RBM28: variants seen among roughly 807,000 people sequenced by gnomAD.
The protein encoded by RBM28 is RNA-binding protein 28.
A neutral mutation model predicts 98.3 loss-of-function variants in RBM28; 78 were observed. That is an observed-to-expected ratio of 0.79 (90% CI 0.66 to 0.96). The LOEUF is 0.96. RBM28 is among the 40% of genes least tolerant of loss of function. The pLI, the probability that RBM28 is intolerant of heterozygous loss-of-function variation, is 0.00. For missense variants in RBM28, 838 were observed against 913.0 expected (o/e 0.92, Z 1.06); for synonymous variants, 306 against 330.9 (o/e 0.92, Z 0.82).
rs960950577 is a variant in RBM28 at position 128,298,531 on chromosome 7, T to C, written c.*12266A>G. On this transcript the variant is annotated 3_prime_UTR_variant, in exon 19 of 19. Coordinates refer to ENST00000223073, the MANE Select transcript of RBM28 (RefSeq NM_018077.3). ...TTTCAGATTCTCTTTACTGAGCATA[T>C]ATTATTTTTACAATCAGAAAAAAAT... 5 of 151,632 alleles carry C rather than the reference T, an allele frequency of 3.3e-5. No individual in the cohort carries two copies. Among genetic ancestry groups the C allele is most frequent in the African/African-American group, 1.2e-4 (5 of 41,298 alleles). 9.4% of individuals were successfully genotyped at this position (151,632 alleles called of 1,614,324 possible).
At chr7:128,330,475 G>A (rs1243966648) in intron 10 of RBM28, among the ~76,000 whole-genome samples, 6 of 141,816 alleles carry the variant, frequency 4.2e-5, no homozygotes, top group Middle Eastern at 4.1e-3. Flanking sequence ...TCCACCTCCC[G>A]GGTTCAAGCA....
chr7:128,298,086 T>C lies in RBM28; in HGVS notation c.*12711A>G, dbSNP rs1795731648. 1 of 150,714 alleles carries C rather than the reference T, an allele frequency of 6.6e-6. No homozygotes were observed. The highest frequency in any genetic ancestry group is 1.5e-5 in the Non-Finnish European group (1 of 67,640). 9.3% of individuals were successfully genotyped at this position (150,714 alleles called of 1,614,324 possible). On this transcript the variant is annotated 3_prime_UTR_variant, in exon 19 of 19. Coordinates refer to ENST00000223073, the MANE Select transcript of RBM28 (RefSeq NM_018077.3). ...GACCAGCATGTCACATGTATACATA[T>C]GTAACTAACCTGCACAGTGTGCACA...
Position 128,298,130 on chromosome 7 carries a change from TAATA to T in RBM28, c.*12663_*12666del, listed in dbSNP as rs1168126990. 2.7e-5 allele frequency: 4 copies of T among 148,688 alleles called. No homozygotes were observed. The highest frequency in any genetic ancestry group is 6.6e-5 in the Admixed American group (1 of 15,142). The allele number at this position is 148,688 out of a possible 1,614,324, so 9.2% of individuals were successfully genotyped here. A position where few individuals can be genotyped will look rare whatever the true frequency, so the allele number is the denominator to read the frequency against. On this transcript the variant is annotated 3_prime_UTR_variant, in exon 19 of 19. Transcript: ENST00000223073. ...GTGCACATGTACCCTAAAACTTAAATAATAAAAAAAAAAGACAATACGCGCACAG... is the reference window on the plus strand; with the variant it reads ...GTGCACATGTACCCTAAAACTTAAATAAAAAAAAAGACAATACGCGCACAG...
rs1427398800 is a variant in RBM28 at position 128,314,982 on chromosome 7, C to T, written c.1827G>A (p.Gln609=). The change falls in exon 17 of 19, where the codon CAG becomes CAA. Residue 609 remains glutamine (Q), a synonymous_variant. Coordinates refer to ENST00000223073, the MANE Select transcript of RBM28 (RefSeq NM_018077.3). ...CTTTTGCAGGCTCTGGTTGCCCCTTCTGAGGCTCACCAGTTGCAGGCTTGG... is the reference window on the plus strand; with the variant it reads ...CTTTTGCAGGCTCTGGTTGCCCCTTTTGAGGCTCACCAGTTGCAGGCTTGG... ...MRSKPATGEP[Q]KGQPEPAKDQ... The T allele has an allele frequency of 1.2e-6, 2 of 1,614,070 alleles. No homozygotes were observed. Among genetic ancestry groups the T allele is most frequent in the East Asian group, 2.2e-5 (1 of 44,902 alleles).
At chr7:128,321,074 G>A (rs560787746) in intron 14 of RBM28, among the ~76,000 whole-genome samples, 192 bp downstream of exon 14, 2 of 152,376 alleles carry the variant, frequency 1.3e-5, no homozygotes, top group African/African-American at 4.8e-5. Context: ...GCTGAGGCAG[G>A]AGAACTGCTT....
chr7:128,315,004 T>C lies in RBM28; in HGVS notation c.1805A>G (p.Lys602Arg), dbSNP rs1796077128. The C allele has an allele frequency of 6.2e-7, 1 of 1,614,250 alleles. No homozygotes were observed. Among genetic ancestry groups the C allele is most frequent in the African/African-American group, 1.3e-5 (1 of 75,062 alleles). The change falls in exon 17 of 19, where the codon AAG becomes AGG. Residue 602 changes from lysine to arginine, a missense_variant. Coordinates refer to ENST00000223073, the MANE Select transcript of RBM28 (RefSeq NM_018077.3). ...IQRSLQKMRS[K>R]PATGEPQKGQ... is the part of the protein sequence containing the mutation. ...CTTCTGAGGCTCACCAGTTGCAGGC[T>C]TGGATCTCATTTTTTGCTGCATAAA...
intron 14 of RBM28, among the ~76,000 whole-genome samples, 182 bp from the exon 15 acceptor site, chr7:128,318,288 C>A (rs1227498187): frequency 6.6e-6 from 1 of 151,974 alleles, no homozygotes; most frequent in African/African-American, 2.4e-5. Flanking sequence ...AGTTTGAGAC[C>A]AGCCTAGGCA....
rs371516135 is a variant in RBM28 at position 128,337,104 on chromosome 7, T to C, written c.613+27A>G. ...TCTCACCCAGGTTATACAACGCCCC[T>C]ACTCACCCAACACTACCACATCTTA... On this transcript the variant is annotated intron_variant, in intron 6 of 18. Transcript: ENST00000223073. 1.6e-4 allele frequency: 255 copies of C among 1,609,594 alleles called. 1 individual carries two copies. The African/African-American group carries it at 2.8e-3, about 18-fold the overall frequency.
chr7:128,304,028 C>A lies in RBM28; in HGVS notation c.*6769G>T, dbSNP rs1795817439. 1 of 152,162 alleles carries A rather than the reference C, an allele frequency of 6.6e-6. No homozygotes were observed. Among genetic ancestry groups the A allele is most frequent in the Non-Finnish European group, 1.5e-5 (1 of 68,030 alleles). 9.4% of individuals were successfully genotyped at this position (152,162 alleles called of 1,614,324 possible). A position where few individuals can be genotyped will look rare whatever the true frequency, so the allele number is the denominator to read the frequency against. ...AAGTGGGGACATCTCAAAGAGTGGGCTGGCCACTCCCAGAACCTGTGTAAG... is the reference window on the plus strand; with the variant it reads ...AAGTGGGGACATCTCAAAGAGTGGGATGGCCACTCCCAGAACCTGTGTAAG... On this transcript the variant is annotated 3_prime_UTR_variant, in exon 19 of 19. Transcript: ENST00000223073.
At chr7:128,328,434 G>T (rs993618588) in intron 10 of RBM28, among the ~76,000 whole-genome samples, 7 of 152,174 alleles carry the variant, frequency 4.6e-5, no homozygotes, top group Non-Finnish European at 8.8e-5. Flanking sequence ...TGCTGAGAGG[G>T]ATAAACTACA....
chr7:128,333,731 T>C (rs1482979125), intron 8 of RBM28, among the ~76,000 whole-genome samples: 3 of 151,614 alleles, frequency 2.0e-5, no homozygotes, highest in Non-Finnish European at 4.4e-5. Flanking sequence ...AAAAAATAAA[T>C]AAATAAAAAT....
intron 13 of RBM28, among the ~76,000 whole-genome samples, chr7:128,321,737 T>C (rs1305786822): frequency 6.6e-6 from 1 of 152,130 alleles, no homozygotes; most frequent in Non-Finnish European, 1.5e-5. Context: ...CTCTGAGCAC[T>C]GAGGTGAGGC....
chr7:128,316,756 GA>G lies in RBM28; in HGVS notation c.1788+902del, dbSNP rs1329130850. Reference sequence around the variant, plus strand: ...AACTGGTAGCTTCAGAATCACCTCTGAAACAATGGCTAACAGTAATAAACAA... The same window carrying G: ...AACTGGTAGCTTCAGAATCACCTCTGAACAATGGCTAACAGTAATAAACAA... On this transcript the variant is annotated intron_variant, in intron 16 of 18. Coordinates refer to ENST00000223073, the MANE Select transcript of RBM28 (RefSeq NM_018077.3). Among the ~76,000 whole-genome samples the G allele has an allele frequency of 2.0e-5, 3 of 152,150 alleles. No individual in the cohort carries two copies. The East Asian group carries it at 5.8e-4, about 29-fold the overall frequency.
At chr7:128,312,751 G>A (rs1415468918) in intron 18 of RBM28, among the ~76,000 whole-genome samples, 1 of 152,182 alleles carries the variant, frequency 6.6e-6, no homozygotes, top group Non-Finnish European at 1.5e-5. Flanking sequence ...TATCATTTGT[G>A]TAGTAGATGA....
chr7:128,333,968 G>C lies in RBM28; in HGVS notation c.947-606C>G, dbSNP rs1796541088. On this transcript the variant is annotated intron_variant, in intron 8 of 18. Transcript: ENST00000223073. ...TACTGTATAGGACATAGGAAACTTT[G>C]AGGAAAAAACATACACATACAATCA... 1.3e-5 allele frequency among the ~76,000 whole-genome samples: 2 copies of C among 152,186 alleles called. 1 individual carries two copies. Among genetic ancestry groups the C allele is most frequent in the Non-Finnish European group, 2.9e-5 (2 of 68,034 alleles).
intron 14 of RBM28, among the ~76,000 whole-genome samples, chr7:128,321,038 C>A (rs1796220550): frequency 6.6e-6 from 1 of 152,176 alleles, no homozygotes; most frequent in Non-Finnish European, 1.5e-5. Flanking sequence ...TGGTGGCGCA[C>A]GCCTATAGTC....
rs568018277 is a variant in RBM28, at chr7:128,299,552, T to C, written c.*11245A>G. 10 of 152,364 alleles carry C rather than the reference T, an allele frequency of 6.6e-5. No homozygotes were observed. The highest frequency in any genetic ancestry group is 2.4e-4 in the African/African-American group (10 of 41,590). 9.4% of individuals were successfully genotyped at this position (152,364 alleles called of 1,614,324 possible). On this transcript the variant is annotated 3_prime_UTR_variant, in exon 19 of 19. Transcript: ENST00000223073. ...CAACAACAGCACCTGATTAGTATAATGACATATGTTTCTCTTCACAGCAGT... is the reference window on the plus strand; with the variant it reads ...CAACAACAGCACCTGATTAGTATAACGACATATGTTTCTCTTCACAGCAGT...
In RBM28 at chr7:128,333,900, G is replaced by T. The variant is rs186875758; in HGVS notation, c.947-538C>A. Among the ~76,000 whole-genome samples, 287 of 152,230 alleles carry T rather than the reference G, an allele frequency of 1.9e-3. 2 individuals are homozygous for T. Among genetic ancestry groups the T allele is most frequent in the African/African-American group, 6.6e-3 (275 of 41,546 alleles). On this transcript the variant is annotated intron_variant, in intron 8 of 18. Coordinates refer to ENST00000223073, the MANE Select transcript of RBM28 (RefSeq NM_018077.3). ...CAATGTGGTAAGGTTATGGGAAAAA[G>T]ACATTTCCATATACTACTATGACAG...
chr7:128,311,723 G>A (rs1795989306), intron 18 of RBM28, among the ~76,000 whole-genome samples: 5 of 151,888 alleles, frequency 3.3e-5, no homozygotes, highest in Admixed American at 3.3e-4. Context: ...AGCCAGTATG[G>A]CAACAGCTCA....
Sources: allele counts gnomAD v4.1 joint callset (sites outside exome capture counted in the v4.1 genomes callset), GRCh38; gene constraint gnomAD v4.1.1; transcripts MANE v1.5; gene names NCBI Gene and HGNC (gene_info 2026-07-23, HGNC 2026-07-21).